SYT17: variants seen among roughly 807,000 people sequenced by gnomAD.
SYT17 encodes synaptotagmin 17.
In SYT17, 22 loss-of-function variants were observed where a neutral mutation model predicts 46.7. The observed-to-expected ratio is 0.47, with a 90% CI of 0.34 to 0.67. SYT17 has a LOEUF of 0.67. SYT17 is among the 30% of genes least tolerant of loss of function. SYT17 has a pLI of 0.01. For synonymous variants in SYT17, 251 were observed against 248.4 expected, an observed-to-expected ratio of 1.01 and a Z score of -0.10; for missense variants, 519 against 612.8, an observed-to-expected ratio of 0.85 and a Z score of 1.62.
chr16:19,248,290 G>A, intron 7 of SYT17, among the ~76,000 whole-genome samples: 1 of 151,822 alleles, frequency 6.6e-6, no homozygotes. Flanking sequence ...AGATGCTACA[G>A]CCACTTTGGA....
At chr16:19,257,654 AT>A (rs1968673234) in intron 7 of SYT17, among the ~76,000 whole-genome samples, 1 of 152,198 alleles carries the variant, frequency 6.6e-6, no homozygotes, top group Admixed American at 6.5e-5. Flanking sequence ...CCTCTCGGCC[AT>A]GAGGAAGTAG....
intron 5 of SYT17, among the ~76,000 whole-genome samples, chr16:19,205,135 A>G (rs1229664971): frequency 6.6e-6 from 1 of 152,162 alleles, no homozygotes; most frequent in Admixed American, 6.5e-5. Flanking sequence ...ACAGTAAAAT[A>G]AATGTCAGTT....
At chr16:19,243,912 A>C (rs1336605359) in intron 7 of SYT17, among the ~76,000 whole-genome samples, 1 of 151,514 alleles carries the variant, frequency 6.6e-6, no homozygotes, top group Non-Finnish European at 1.5e-5. Flanking sequence ...CACCTCTAAG[A>C]CTCAATAAGT....
chr16:19,224,866 C>T, intron 7 of SYT17, 28 bp downstream of exon 7: 1 of 1,612,352 alleles, frequency 6.2e-7, no homozygotes, highest in Non-Finnish European at 8.5e-7. Flanking sequence ...ACCCGATGAA[C>T]TCCAGGTGAG....
chr16:19,215,007 C>T (rs577263735), intron 5 of SYT17, among the ~76,000 whole-genome samples: 12 of 152,172 alleles, frequency 7.9e-5, no homozygotes, highest in East Asian at 5.8e-4. Flanking sequence ...AGACTGATCT[C>T]GAACTCCCGA....
Position 19,232,962 on chromosome 16 carries a change from C to A in SYT17, c.1228+8124C>A, listed in dbSNP as rs532482449. Among the ~76,000 whole-genome samples, 117 of 152,298 alleles carry A rather than the reference C, an allele frequency of 7.7e-4. 1 individual carries two copies. Among genetic ancestry groups the A allele is most frequent in the African/African-American group, 2.6e-3 (108 of 41,566 alleles). On this transcript the variant is annotated intron_variant, in intron 7 of 7. Transcript: ENST00000355377. ...CAGGGACTTTAAAAAAACTCTGATG[C>A]CCCGTTCCCAGAACAGATAAACTGA...
At chr16:19,231,146 C>G (rs1008490629) in intron 7 of SYT17, among the ~76,000 whole-genome samples, 4 of 152,182 alleles carry the variant, frequency 2.6e-5, no homozygotes, top group Admixed American at 1.3e-4. Flanking sequence ...CATCTGTCTT[C>G]TTGGAGGTAA....
intron 7 of SYT17, among the ~76,000 whole-genome samples, chr16:19,266,635 A>T (rs1373768877): frequency 1.3e-5 from 2 of 152,204 alleles, no homozygotes; most frequent in Non-Finnish European, 2.9e-5. Context: ...AGAGGTAAGA[A>T]TCTGGCTGGC....
At chr16:19,219,935 G>T (rs1966245643) in intron 5 of SYT17, among the ~76,000 whole-genome samples, 2 of 152,122 alleles carry the variant, frequency 1.3e-5, no homozygotes. Flanking sequence ...CAAAGTCCAG[G>T]AGGACCTGGA....
At chr16:19,242,303 AAGCTGAGAAAGGGCC>A (rs1967191715) in intron 7 of SYT17, among the ~76,000 whole-genome samples, 1 of 152,208 alleles carries the variant, frequency 6.6e-6, no homozygotes, top group Non-Finnish European at 1.5e-5. Context: ...TTTGATATAT[AAGCTGAGAAAGGGCC>A]AGCAGTGGAA....
rs769442904 is a variant in SYT17 at position 19,232,881 on chromosome 16, T to C, written c.1228+8043T>C. On this transcript the variant is annotated intron_variant, in intron 7 of 7. Transcript: ENST00000355377. ...AAACAAACAAACTCTCTAGCACTGG[T>C]CCCTACCCCTGCACATTGTTTGACT... Among the ~76,000 whole-genome samples, 9 of 151,252 alleles carry C rather than the reference T, an allele frequency of 6.0e-5. 1 individual carries two copies. The highest frequency in any genetic ancestry group is 4.2e-4 in the South Asian group (2 of 4,798).
At chr16:19,227,560 G>T (rs938611154) in intron 7 of SYT17, among the ~76,000 whole-genome samples, 2 of 151,900 alleles carry the variant, frequency 1.3e-5, no homozygotes, top group Non-Finnish European at 2.9e-5. Context: ...CAAGCAATCT[G>T]CCCACCTCGG....
At chr16:19,189,107 C>T (rs1013235010) in intron 5 of SYT17, among the ~76,000 whole-genome samples, 3 of 152,114 alleles carry the variant, frequency 2.0e-5, no homozygotes, top group African/African-American at 7.2e-5. Flanking sequence ...AGGATGTTCT[C>T]AATCTCCTGA....
At chr16:19,262,119 C>T (rs1370836075) in intron 7 of SYT17, among the ~76,000 whole-genome samples, 1 of 151,712 alleles carries the variant, frequency 6.6e-6, no homozygotes, top group African/African-American at 2.4e-5. Flanking sequence ...CTGTTATTCT[C>T]ATGGTTACAG....
chr16:19,265,868 C>G (rs1203655394), intron 7 of SYT17, among the ~76,000 whole-genome samples: 1 of 152,202 alleles, frequency 6.6e-6, no homozygotes, highest in Non-Finnish European at 1.5e-5. Context: ...AAGAGACATG[C>G]AGCACAACAA....
chr16:19,211,311 TGACAACCCCTCTCG>T lies in SYT17; in HGVS notation c.952-11732_952-11719del, dbSNP rs1159731027. On this transcript the variant is annotated intron_variant, in intron 5 of 7. Transcript: ENST00000355377. ...TAGGACAGGGGGTGGAACATCGTGC[TGACAACCCCTCTCG>T]GCCCGTGGTGTGGCAGCAGCTCAGC... The T allele has an allele frequency of 6.0e-6, 4 of 668,536 alleles. No homozygotes were observed. The Middle Eastern group carries it at 7.6e-4, about 127-fold the overall frequency. 41.4% of individuals were successfully genotyped at this position (668,536 alleles called of 1,614,324 possible).
chr16:19,177,971 G>T (rs1216930620), intron 3 of SYT17, among the ~76,000 whole-genome samples: 2 of 152,164 alleles, frequency 1.3e-5, no homozygotes, highest in African/African-American at 2.4e-5. Flanking sequence ...CTTAGCTGGG[G>T]TTCTGCCTTT....
At chr16:19,210,295 G>A (rs964272552) in intron 5 of SYT17, among the ~76,000 whole-genome samples, 1 of 151,840 alleles carries the variant, frequency 6.6e-6, no homozygotes, top group African/African-American at 2.4e-5. Context: ...CTGAACTCCC[G>A]GCTTCAAGTG....
intron 7 of SYT17, among the ~76,000 whole-genome samples, chr16:19,225,176 A>G (rs1377556934): frequency 2.6e-5 from 4 of 152,244 alleles, no homozygotes; most frequent in Non-Finnish European, 5.9e-5. Context: ...TGTGAACAGT[A>G]AATGACTTAC....
Sources: allele counts gnomAD v4.1 joint callset (sites outside exome capture counted in the v4.1 genomes callset), GRCh38; gene constraint gnomAD v4.1.1; transcripts MANE v1.5; gene names NCBI Gene and HGNC (gene_info 2026-07-23, HGNC 2026-07-21).